HPS3: variants seen among roughly 807,000 people sequenced by gnomAD.
HPS3 encodes BLOC-2 complex member HPS3.
HPS3 carries 79 observed loss-of-function variants against 110.9 expected under a neutral mutation model. The ratio of observed to expected loss-of-function variants is 0.71; its 90% CI spans 0.59 to 0.86. The LOEUF (loss-of-function observed/expected upper bound fraction) is 0.86. Ranked by LOEUF, HPS3 falls within the 40% of genes least tolerant of loss-of-function variation. The probability of loss-of-function intolerance (pLI) is 0.00; values close to 1 mark genes in which losing one functional copy is unlikely to be tolerated. For synonymous variants in HPS3, 428 were observed against 451.0 expected, an observed-to-expected ratio of 0.95 and a Z score of 0.65; for missense variants, 1,197 against 1,206.2, an observed-to-expected ratio of 0.99 and a Z score of 0.11.
At chr3:149,171,971 C>T (rs1576718070) in intron 16 of HPS3, 124 bp from the exon 17 acceptor site, 2 of 835,948 alleles carry the variant, frequency 2.4e-6, no homozygotes, top group Non-Finnish European at 3.9e-6. Context: ...TCCCAAAGTG[C>T]TGGGATTACA....
At chr3:149,164,150 A>G (rs1190589668) in intron 14 of HPS3, among the ~76,000 whole-genome samples, 1 of 152,154 alleles carries the variant, frequency 6.6e-6, no homozygotes, top group Non-Finnish European at 1.5e-5. Flanking sequence ...ACCTGTGCTG[A>G]GCGGCTGGTT....
In HPS3 at chr3:149,158,736, C is replaced by G; in HGVS notation, c.1762C>G (p.Leu588Val). Residue 588 changes from leucine (L) to valine (V), a missense_variant, in exon 10 of 17, where the codon CTG (leucine) becomes GTG (valine). Coordinates refer to ENST00000296051, the MANE Select transcript of HPS3 (RefSeq NM_032383.5). ...KMSGLSMAEVLARTDWTVEDG... is the reference protein window; with the variant it reads ...KMSGLSMAEVVARTDWTVEDG... ...GTCTGGTTTGTCTATGGCTGAAGTT[C>G]TGGCCCGCACGGACTGGACAGTAGA... is the stretch of plus-strand genomic sequence containing the variant. 1.9e-6 allele frequency: 3 copies of G among 1,613,484 alleles called. No individual in the cohort carries two copies. Among genetic ancestry groups the G allele is most frequent in the Non-Finnish European group, 2.5e-6 (3 of 1,179,482 alleles).
chr3:149,157,368 T>A lies in HPS3; in HGVS notation c.1528T>A (p.Tyr510Asn), dbSNP rs758015968. Residue 510 changes from tyrosine (Y) to asparagine (N), a missense_variant, in exon 9 of 17, where the codon TAT becomes AAT. Coordinates refer to ENST00000296051, the MANE Select transcript of HPS3 (RefSeq NM_032383.5). The part of the protein sequence containing the change: ...YKEMVDYSNT[Y>N]KTVKTQSCIH... ...TGTTTAGGTAGACTATAGCAATACC[T>A]ATAAGACTGTCAAAACCCAGAGCTG... The A allele has an allele frequency of 6.2e-7, 1 of 1,613,780 alleles. No individual in the cohort carries two copies. The highest frequency in any genetic ancestry group is 2.2e-5 in the East Asian group (1 of 44,886).
chr3:149,150,581 C>G lies in HPS3; in HGVS notation c.1164-18C>G. 1 of 1,611,568 alleles carries G rather than the reference C, an allele frequency of 6.2e-7. No homozygotes were observed. Among genetic ancestry groups the G allele is most frequent in the East Asian group, 2.2e-5 (1 of 44,882 alleles). ...TCTTGGCCTCACTTTGCTCAGCAGC[C>G]TGTGTCTTCCTCCTCAGTAACAACC... is the stretch of plus-strand genomic sequence containing the variant. On this transcript the variant is annotated intron_variant, in intron 5 of 16. Coordinates refer to ENST00000296051, the MANE Select transcript of HPS3 (RefSeq NM_032383.5).
intron 1 of HPS3, among the ~76,000 whole-genome samples, chr3:149,132,225 T>G (rs964393928): frequency 1.5e-4 from 23 of 152,112 alleles, no homozygotes; most frequent in African/African-American, 5.1e-4. Flanking sequence ...GACAAAACAG[T>G]CTTAAATTGG....
chr3:149,168,359 A>C, intron 16 of HPS3: 1 of 213,456 alleles, frequency 4.7e-6, no homozygotes, highest in Non-Finnish European at 9.5e-6. Flanking sequence ...CATAATTATA[A>C]GCAAGTATTG....
intron 8 of HPS3, among the ~76,000 whole-genome samples, chr3:149,156,435 A>C (rs556382041): frequency 3.2e-4 from 49 of 152,318 alleles, no homozygotes; most frequent in African/African-American, 1.2e-3. Context: ...TAGTGTGTTT[A>C]ACTATGATGT....
chr3:149,161,342 G>A (rs573923720), intron 11 of HPS3, among the ~76,000 whole-genome samples: 1 of 152,036 alleles, frequency 6.6e-6, no homozygotes, highest in African/African-American at 2.4e-5. Flanking sequence ...CATAGTATTT[G>A]CATATAACGT....
intron 7 of HPS3, chr3:149,153,885 G>A: frequency 1.8e-6 from 1 of 549,724 alleles, no homozygotes; most frequent in Non-Finnish European, 3.2e-6. Flanking sequence ...AAAAATCAAA[G>A]GTGTTTTAGA....
rs137891680 is a variant in HPS3 at position 149,133,681 on chromosome 3, A to G, written c.217+3741A>G. On this transcript the variant is annotated intron_variant, in intron 1 of 16. Coordinates refer to ENST00000296051, the MANE Select transcript of HPS3 (RefSeq NM_032383.5). ...CCCTGATCAGTCAGCAGCCATCAGC[A>G]TCGGGGCAAGACCCTTCACCAGTGA... Among the ~76,000 whole-genome samples, 230 of 152,320 alleles carry G rather than the reference A, an allele frequency of 1.5e-3. 1 individual carries two copies. The highest frequency in any genetic ancestry group is 5.3e-3 in the African/African-American group (221 of 41,568).
rs148168280 is a variant in HPS3, at chr3:149,158,795, C to G, written c.1821C>G (p.Ile607Met). Residue 607 changes from isoleucine (I) to methionine (M), a missense_variant, in exon 10 of 17, where the codon ATC becomes ATG. By Grantham distance (10) the Ile-to-Met change is conservative. Coordinates refer to ENST00000296051, the MANE Select transcript of HPS3 (RefSeq NM_032383.5). ...DGLQKYERGL[I>M]FYINHSLYEN... ...TACAGAAATACGAGAGAGGATTAAT[C>G]TTTTACATTAATCATTCACTTTATG... 225 of 1,605,760 alleles carry G rather than the reference C, an allele frequency of 1.4e-4. No individual in the cohort carries two copies. In the Admixed American group the frequency reaches 2.9e-3, roughly 20 times the overall value.
At position 149,138,389 on chromosome 3, in the gene HPS3, A is replaced by T. The variant is rs141331755; in HGVS notation, c.218-1615A>T. ...ATAGTGTTAATATAATAGAGTCTAC[A>T]TTTGGAAGAAGTGACATTAGATCCT... On this transcript the variant is annotated intron_variant, in intron 1 of 16. Transcript: ENST00000296051. Among the ~76,000 whole-genome samples, 1,507 of 152,352 alleles carry T rather than the reference A, an allele frequency of 9.9e-3. 11 individuals are homozygous for T. Among genetic ancestry groups the T allele is most frequent in the African/African-American group, 0.035 (1,455 of 41,572 alleles).
rs764381762 is a variant in HPS3, at chr3:149,141,356, C to G, written c.946C>G (p.Gln316Glu). ...LSDDIKLHSL[Q>E]LLPIYQTGSL... ...TGATGACATCAAGCTACATTCCCTC[C>G]AGCTGCTACCCATTTACCAGACCGG... Residue 316 changes from glutamine to glutamate, a missense_variant, in exon 4 of 17, where the codon CAG (glutamine) becomes GAG (glutamate). Physicochemically the swap from Gln to Glu is conservative, Grantham distance 29. Coordinates refer to ENST00000296051, the MANE Select transcript of HPS3 (RefSeq NM_032383.5). The G allele has an allele frequency of 5.0e-6, 8 of 1,613,586 alleles. No individual in the cohort carries two copies. Among genetic ancestry groups the G allele is most frequent in the Non-Finnish European group, 1.7e-6 (2 of 1,179,734 alleles).
At chr3:149,151,724 T>G (rs931809607) in intron 6 of HPS3, among the ~76,000 whole-genome samples, 1 of 152,056 alleles carries the variant, frequency 6.6e-6, no homozygotes, top group East Asian at 1.9e-4. Context: ...ATTATATTGA[T>G]CTATGTTATT....
chr3:149,140,804 C>T (rs543095487), intron 2 of HPS3, among the ~76,000 whole-genome samples: 4 of 152,272 alleles, frequency 2.6e-5, no homozygotes, highest in African/African-American at 7.2e-5. Flanking sequence ...TCAACATCCT[C>T]ATTTGTAAAA....
chr3:149,142,003 A>C (rs1264819076), intron 4 of HPS3, among the ~76,000 whole-genome samples: 2 of 151,820 alleles, frequency 1.3e-5, no homozygotes, highest in African/African-American at 4.8e-5. Context: ...GGAATGCCCC[A>C]CCACGCCCAG....
chr3:149,151,200 A>ATTTT (rs72093182), intron 6 of HPS3, among the ~76,000 whole-genome samples: 12 of 146,022 alleles, frequency 8.2e-5, no homozygotes, highest in African/African-American at 2.8e-4. Context: ...TATTATTATT[A>ATTTT]TTATTTTTTT....
chr3:149,145,904 C>T (rs1382700278), intron 5 of HPS3, among the ~76,000 whole-genome samples: 1 of 152,072 alleles, frequency 6.6e-6, no homozygotes, highest in East Asian at 1.9e-4. Context: ...CTCACTGCTA[C>T]CATATTTTTC....
At chr3:149,140,924 A>C (rs754423156) in intron 2 of HPS3, 93 bp from the exon 3 acceptor site, 7 of 1,180,526 alleles carry the variant, frequency 5.9e-6, no homozygotes, top group Non-Finnish European at 8.7e-6. Flanking sequence ...GCATATTATA[A>C]ATAAATGAAA....
Sources: allele counts gnomAD v4.1 joint callset (sites outside exome capture counted in the v4.1 genomes callset), GRCh38; gene constraint gnomAD v4.1.1; transcripts MANE v1.5; gene names NCBI Gene and HGNC (gene_info 2026-07-23, HGNC 2026-07-21).